ATP1A3: variants seen among roughly 807,000 people sequenced by gnomAD.
The protein encoded by ATP1A3 is sodium/potassium-transporting ATPase subunit alpha-3.
Under a neutral mutation model 108.8 loss-of-function variants are expected in ATP1A3, and 12 were observed. The ratio of observed to expected loss-of-function variants is 0.11; its 90% confidence interval spans 0.07 to 0.18. The LOEUF (loss-of-function observed/expected upper bound fraction) is 0.18. Among genes scored for constraint, ATP1A3 ranks in the 10% least tolerant of loss-of-function variants. The probability of loss-of-function intolerance (pLI) is 1.00; values close to 1 mark genes in which losing one functional copy is unlikely to be tolerated. For synonymous variants in ATP1A3, 539 were observed against 564.5 expected (o/e 0.95, Z 0.64); for missense variants, 498 against 1,387.7 (o/e 0.36, Z 10.19).
In ATP1A3 at chr19:41,967,912, G is replaced by C. The variant is rs111814337; in HGVS notation, c.2820-149C>G. ...AGGCAGAGACATAGGGAGAGACAGA[G>C]ATGGGGAGACATGCCCCGACAGAGA... On this transcript the variant is annotated intron_variant, in intron 20 of 22. Transcript: ENST00000648268. This position sits in a 1 kb window ranked among gnomAD's most constrained non-coding sequence, Gnocchi z 4.2. The C allele has an allele frequency of 7.8e-5, 57 of 734,982 alleles. 1 individual carries two copies. The highest frequency in any genetic ancestry group is 6.6e-4 in the African/African-American group (38 of 57,494). The allele number at this position is 734,982 out of a possible 1,614,324, so 45.5% of individuals were successfully genotyped here.
intron 17 of ATP1A3, 27 bp from the exon 18 acceptor site, chr19:41,970,335 G>C (rs782396584): frequency 6.2e-7 from 1 of 1,613,938 alleles, no homozygotes; most frequent in Non-Finnish European, 8.5e-7. Flanking sequence ...GGGTGAGCCG[G>C]AGAGGGGAGG....
rs782312004 is a variant in ATP1A3, at chr19:41,982,089, G to C, written c.1011C>G (p.Thr337=). The C allele has an allele frequency of 1.9e-6, 3 of 1,614,052 alleles. No individual in the cohort carries two copies. The African/African-American group carries it at 4.0e-5, about 22-fold the overall frequency. ...AGTTCTTCCGGGCCATGCGCTTGGC[G>C]GTCAGCGTCAGACACACCTGGAGGA... ...LATVTVCLTL[T]AKRMARKNCL... The change falls in exon 9 of 23, where the codon ACC becomes ACG. Residue 337 remains threonine (T), a synonymous_variant. Transcript: ENST00000648268.
At chr19:41,979,945 C>T (rs1266751535) in intron 11 of ATP1A3, among the ~76,000 whole-genome samples, 2 of 152,246 alleles carry the variant, frequency 1.3e-5, no homozygotes, top group Admixed American at 1.3e-4. Flanking sequence ...TCCTCAGAGT[C>T]ACAGCCAAGT....
chr19:41,975,978 G>A (rs1192555448), intron 15 of ATP1A3, among the ~76,000 whole-genome samples, 181 bp from the exon 16 acceptor site: 3 of 150,038 alleles, frequency 2.0e-5, no homozygotes, highest in Admixed American at 6.6e-5. Context: ...CTCAGACCCA[G>A]GGGTCCAGAC....
Position 41,988,663 on chromosome 19 carries a change from C to T in ATP1A3, c.7-101G>A. 1 of 1,603,586 alleles carries T rather than the reference C, an allele frequency of 6.2e-7. No homozygotes were observed. On this transcript the variant is annotated intron_variant, in intron 1 of 22. Coordinates refer to ENST00000648268, the MANE Select transcript of ATP1A3 (RefSeq NM_152296.5). The surrounding 1 kb of genome is among the most constrained non-coding windows in gnomAD (Gnocchi z 5.3). ...CTCCATGCCCCAGCTATCCTCCTGG[C>T]CGGTGCCCCTGCATCTCTGGGTGGG...
intron 1 of ATP1A3, chr19:41,993,661 C>T (rs559850486): frequency 1.6e-6 from 1 of 632,952 alleles, no homozygotes; most frequent in Non-Finnish European, 2.7e-6. Context: ...GCCTCAATAA[C>T]CCCAGACGCA....
chr19:41,979,679 T>G (rs1461213758), intron 11 of ATP1A3, among the ~76,000 whole-genome samples: 2 of 152,042 alleles, frequency 1.3e-5, no homozygotes, highest in Admixed American at 1.3e-4. Flanking sequence ...AGTGGTTGCT[T>G]AGGGCTGGGA....
In ATP1A3 at chr19:41,966,650, G is replaced by A. The variant is rs915232441; in HGVS notation, c.*287C>T. The stretch of plus-strand genomic sequence containing the variant: ...AGATGGCATCAGCCGGGGGGCTGAA[G>A]GGGAGTAAAAAAGAGCCCAGGGAGG... On this transcript the variant is annotated 3_prime_UTR_variant, in exon 23 of 23. Transcript: ENST00000648268. The A allele has an allele frequency of 3.3e-6, 5 of 1,515,926 alleles. No individual in the cohort carries two copies. Among genetic ancestry groups the A allele is most frequent in the East Asian group, 2.6e-5 (1 of 38,180 alleles). 93.9% of individuals were successfully genotyped at this position (1,515,926 alleles called of 1,614,324 possible).
chr19:41,973,014 T>C (rs2075130320), intron 16 of ATP1A3, among the ~76,000 whole-genome samples: 1 of 152,196 alleles, frequency 6.6e-6, no homozygotes, highest in African/African-American at 2.4e-5. Context: ...TCCCACCTGA[T>C]ATTCTCGTTC....
At chr19:41,987,504 G>A (rs1458605332) in intron 4 of ATP1A3, among the ~76,000 whole-genome samples, 1 of 152,176 alleles carries the variant, frequency 6.6e-6, no homozygotes, top group African/African-American at 2.4e-5. Flanking sequence ...GCTCTGTGTG[G>A]CTGGTGTGTG....
chr19:41,971,561 A>T (rs1351227453), intron 16 of ATP1A3, among the ~76,000 whole-genome samples: 1 of 152,192 alleles, frequency 6.6e-6, no homozygotes, highest in Non-Finnish European at 1.5e-5. Context: ...GTCAAATACT[A>T]CACAGCAAGA....
chr19:41,982,089 G>T lies in ATP1A3; in HGVS notation c.1011C>A (p.Thr337=). ...AGTTCTTCCGGGCCATGCGCTTGGCGGTCAGCGTCAGACACACCTGGAGGA... is the reference window on the plus strand; with the variant it reads ...AGTTCTTCCGGGCCATGCGCTTGGCTGTCAGCGTCAGACACACCTGGAGGA... ...LATVTVCLTL[T]AKRMARKNCL... is the part of the protein sequence containing the mutation. Residue 337 remains threonine, a synonymous_variant, in exon 9 of 23, where the codon ACC becomes ACA. Transcript: ENST00000648268. 6.2e-7 allele frequency: 1 copy of T among 1,614,170 alleles called. No individual in the cohort carries two copies. Among genetic ancestry groups the T allele is most frequent in the South Asian group, 1.1e-5 (1 of 91,086 alleles).
Position 41,978,890 on chromosome 19 carries a change from C to T in ATP1A3, c.1438-92G>A. 1 of 1,296,746 alleles carries T rather than the reference C, an allele frequency of 7.7e-7. No individual in the cohort carries two copies. Among genetic ancestry groups the T allele is most frequent in the East Asian group, 2.4e-5 (1 of 42,138 alleles). The allele number at this position is 1,296,746 out of a possible 1,614,324, so 80.3% of individuals were successfully genotyped here. Reference sequence around the variant, plus strand: ...TGTCCCCTGTCCAGAGCCACGGGTGCCAGGATAGGCCCACACCAGGGCTCC... The same window carrying T: ...TGTCCCCTGTCCAGAGCCACGGGTGTCAGGATAGGCCCACACCAGGGCTCC... On this transcript the variant is annotated intron_variant, in intron 11 of 22. Transcript: ENST00000648268. This position sits in a 1 kb window ranked among gnomAD's most constrained non-coding sequence, Gnocchi z 8.3.
intron 16 of ATP1A3, among the ~76,000 whole-genome samples, chr19:41,970,760 T>G (rs1045007886): frequency 1.3e-5 from 2 of 150,046 alleles, no homozygotes; most frequent in Non-Finnish European, 3.0e-5. Context: ...GCCTCCCGAG[T>G]AGCTGGCACT....
intron 11 of ATP1A3, among the ~76,000 whole-genome samples, chr19:41,980,123 C>G (rs868939678): frequency 7.5e-4 from 114 of 152,268 alleles, no homozygotes; most frequent in African/African-American, 2.7e-3. Flanking sequence ...CCGGAGCGCT[C>G]TTCCCCCAGA....
intron 16 of ATP1A3, among the ~76,000 whole-genome samples, chr19:41,974,239 A>G (rs2075142613): frequency 6.6e-6 from 1 of 152,090 alleles, no homozygotes; most frequent in African/African-American, 2.4e-5. Flanking sequence ...TCAAAAAAAA[A>G]GAAAGACTAG....
At position 41,985,296 on chromosome 19, in the gene ATP1A3, C is replaced by T. The variant is rs782682223; in HGVS notation, c.724+10G>A. The T allele has an allele frequency of 3.1e-6, 5 of 1,614,060 alleles. No homozygotes were observed. The highest frequency in any genetic ancestry group is 1.3e-5 in the African/African-American group (1 of 75,048). On this transcript the variant is annotated intron_variant, in intron 7 of 22. Coordinates refer to ENST00000648268, the MANE Select transcript of ATP1A3 (RefSeq NM_152296.5). This position sits in a 1 kb window ranked among gnomAD's most constrained non-coding sequence, Gnocchi z 8.2. ...GCCCCAGCTGTGTGTCTTCTCTGCA[C>T]CCGCCTCACCTTCCACACAGTTGGT...
At chr19:41,973,249 G>A (rs1038198569) in intron 16 of ATP1A3, among the ~76,000 whole-genome samples, 3 of 152,106 alleles carry the variant, frequency 2.0e-5, no homozygotes, top group Non-Finnish European at 4.4e-5. Context: ...CCCGTTGGAA[G>A]TTATTTTGTT....
chr19:41,989,058 G>C (rs113701485), intron 1 of ATP1A3, among the ~76,000 whole-genome samples: 1 of 151,968 alleles, frequency 6.6e-6, no homozygotes, highest in Non-Finnish European at 1.5e-5. Context: ...TCCCGCCTCC[G>C]CCTCCTGTGT....
Sources: allele counts gnomAD v4.1 joint callset (sites outside exome capture counted in the v4.1 genomes callset), GRCh38; gene constraint gnomAD v4.1.1; non-coding constraint Gnocchi (gnomAD v3.1); transcripts MANE v1.5; gene names NCBI Gene and HGNC (gene_info 2026-07-23, HGNC 2026-07-21).